The following PDZRN4 variants were observed in gnomAD, a reference collection of about 807,000 sequenced individuals.
PDZRN4 encodes the protein PDZ domain-containing RING finger protein 4.
A neutral mutation model predicts 99.0 loss-of-function variants in PDZRN4; 70 were observed. The observed-to-expected ratio is 0.71, with a 90% CI of 0.58 to 0.86. The LOEUF is 0.86. PDZRN4 is among the 40% of genes least tolerant of loss of function. PDZRN4 has a pLI of 0.00. For missense variants in PDZRN4, 1,474 were observed against 1,331.2 expected (o/e 1.11, Z -1.67); for synonymous variants, 551 against 501.6 (o/e 1.10, Z -1.32).
intron 3 of PDZRN4, among the ~76,000 whole-genome samples, chr12:41,419,343 C>T (rs1386944504): frequency 6.6e-6 from 1 of 152,098 alleles, no homozygotes; most frequent in Non-Finnish European, 1.5e-5. Context: ...TGTTAGTGTG[C>T]TATGTTGAGA....
At chr12:41,527,889 C>G (rs1466558743) in intron 5 of PDZRN4, among the ~76,000 whole-genome samples, 1 of 152,154 alleles carries the variant, frequency 6.6e-6, no homozygotes, top group Admixed American at 6.5e-5. Context: ...CCAAATAGCC[C>G]CCAAAACACA....
At chr12:41,192,332 C>G (rs1385541365) in intron 2 of PDZRN4, among the ~76,000 whole-genome samples, 3 of 152,152 alleles carry the variant, frequency 2.0e-5, no homozygotes, top group African/African-American at 7.2e-5. Flanking sequence ...AACTCCTAAT[C>G]TCAAGTGATC....
chr12:41,280,886 A>G (rs1951380410), intron 3 of PDZRN4, among the ~76,000 whole-genome samples: 1 of 152,204 alleles, frequency 6.6e-6, no homozygotes, highest in Admixed American at 6.5e-5. Context: ...TGCCTCCTCA[A>G]GTGGGTCCCT....
intron 3 of PDZRN4, among the ~76,000 whole-genome samples, chr12:41,239,963 T>C (rs1453944341): frequency 6.6e-6 from 1 of 152,218 alleles, no homozygotes; most frequent in East Asian, 1.9e-4. Context: ...CAGTTTTCCC[T>C]TTTTAGAGAG....
chr12:41,454,279 A>G (rs933777697), intron 3 of PDZRN4, among the ~76,000 whole-genome samples: 1 of 152,192 alleles, frequency 6.6e-6, no homozygotes, highest in Admixed American at 6.5e-5. Context: ...TGAATGTGTT[A>G]GGGGAAAAAT....
At chr12:41,409,321 G>C (rs1422717669) in intron 3 of PDZRN4, 1 of 151,826 alleles carries the variant, frequency 6.6e-6, no homozygotes, top group Non-Finnish European at 1.5e-5. Flanking sequence ...CAGATCCCCA[G>C]GCACTCTGGT....
chr12:41,270,326 CTGTGTG>C (rs60482879), intron 3 of PDZRN4, among the ~76,000 whole-genome samples: 16 of 138,378 alleles, frequency 1.2e-4, no homozygotes, highest in South Asian at 9.1e-4. Flanking sequence ...GTGTGTGTGT[CTGTGTG>C]TGTGTGTGTG....
intron 5 of PDZRN4, among the ~76,000 whole-genome samples, chr12:41,543,165 C>T (rs1289072846): frequency 6.6e-6 from 1 of 152,208 alleles, no homozygotes; most frequent in Non-Finnish European, 1.5e-5. Flanking sequence ...TCTTGTGGCT[C>T]ATCTTGCCTC....
At chr12:41,559,747 A>G (rs1047286156) in intron 7 of PDZRN4, among the ~76,000 whole-genome samples, 4 of 152,164 alleles carry the variant, frequency 2.6e-5, no homozygotes, top group Admixed American at 2.6e-4. Flanking sequence ...CTCATCTTGA[A>G]TTATAGTTCC....
chr12:41,368,827 G>A (rs1425565473), intron 3 of PDZRN4, among the ~76,000 whole-genome samples: 1 of 152,106 alleles, frequency 6.6e-6, no homozygotes, highest in Non-Finnish European at 1.5e-5. Context: ...GGGAGCCAAG[G>A]GGATGGTGGT....
At chr12:41,412,293 A>C (rs1370670352) in intron 3 of PDZRN4, 5 of 152,178 alleles carry the variant, frequency 3.3e-5, no homozygotes, top group Non-Finnish European at 5.9e-5. Context: ...TTCTGTTGGA[A>C]AGACAGCACG....
At chr12:41,454,363 T>C (rs1341348400) in intron 3 of PDZRN4, among the ~76,000 whole-genome samples, 1 of 152,220 alleles carries the variant, frequency 6.6e-6, no homozygotes, top group Non-Finnish European at 1.5e-5. Context: ...GCGTTTGAGT[T>C]AGAGGAAACA....
chr12:41,443,774 A>G (rs373506116), intron 3 of PDZRN4, among the ~76,000 whole-genome samples: 1 of 152,196 alleles, frequency 6.6e-6, no homozygotes, highest in Non-Finnish European at 1.5e-5. Flanking sequence ...GAGAGAAGAA[A>G]TAAAAGAAGG....
chr12:41,468,198 G>A lies in PDZRN4; in HGVS notation c.844-38258G>A, dbSNP rs1410581608. Among the ~76,000 whole-genome samples, 6 of 152,184 alleles carry A rather than the reference G, an allele frequency of 3.9e-5. No homozygotes were observed. In the East Asian group the frequency reaches 1.2e-3, roughly 29 times the overall value. Reference sequence around the variant, plus strand: ...GGATAATTTGAGAGAATATGCATCTGACCCTCAGAATATGGAAACTGAACA... The same window carrying A: ...GGATAATTTGAGAGAATATGCATCTAACCCTCAGAATATGGAAACTGAACA... On this transcript the variant is annotated intron_variant, in intron 3 of 9. Coordinates refer to ENST00000402685, the MANE Select transcript of PDZRN4 (RefSeq NM_001164595.2).
intron 7 of PDZRN4, among the ~76,000 whole-genome samples, chr12:41,561,309 A>C (rs1187653024): frequency 6.6e-6 from 1 of 152,122 alleles, no homozygotes; most frequent in Non-Finnish European, 1.5e-5. Context: ...ATTAAAATGT[A>C]AATGATGATA....
chr12:41,276,840 C>T (rs560200785), intron 3 of PDZRN4, among the ~76,000 whole-genome samples: 1 of 152,216 alleles, frequency 6.6e-6, no homozygotes, highest in East Asian at 1.9e-4. Context: ...GGTCAGTACC[C>T]TATATTTGTC....
chr12:41,467,920 G>A (rs761214376), intron 3 of PDZRN4, among the ~76,000 whole-genome samples: 10 of 152,106 alleles, frequency 6.6e-5, no homozygotes, highest in Non-Finnish European at 8.8e-5. Context: ...TTTTCCCCCT[G>A]TAAATTACTT....
chr12:41,204,585 G>A (rs1186954468), intron 3 of PDZRN4, among the ~76,000 whole-genome samples: 2 of 151,966 alleles, frequency 1.3e-5, no homozygotes, highest in African/African-American at 4.8e-5. Context: ...TCTTCACAAG[G>A]CAGCAGGAGG....
intron 3 of PDZRN4, among the ~76,000 whole-genome samples, chr12:41,370,709 C>T (rs1952035294): frequency 1.3e-5 from 2 of 151,824 alleles, no homozygotes; most frequent in Admixed American, 1.3e-4. Flanking sequence ...ATTTTTAAAC[C>T]ATGCATATCT....
Sources: allele counts gnomAD v4.1 joint callset (sites outside exome capture counted in the v4.1 genomes callset), GRCh38; gene constraint gnomAD v4.1.1; transcripts MANE v1.5; gene names NCBI Gene and HGNC (gene_info 2026-07-23, HGNC 2026-07-21).